The following CNTN4 variants were observed in gnomAD, a reference collection of about 807,000 sequenced individuals.
The protein encoded by CNTN4 is contactin-4.
Under a neutral mutation model 122.5 loss-of-function variants are expected in CNTN4, and 77 were observed. The ratio of observed to expected loss-of-function variants is 0.63; its 90% CI spans 0.52 to 0.76. The LOEUF is 0.76. Among genes scored for constraint, CNTN4 ranks in the 30% least tolerant of loss-of-function variants. The pLI, the probability that CNTN4 is intolerant of heterozygous loss-of-function variation, is 0.00. For missense variants in CNTN4, 1,256 were observed against 1,259.1 expected (o/e 1.00, Z 0.04); for synonymous variants, 512 against 447.0 (o/e 1.15, Z -1.83).
intron 3 of CNTN4, among the ~76,000 whole-genome samples, chr3:2,530,371 C>G (rs911033890): frequency 6.8e-6 from 1 of 147,896 alleles, no homozygotes; most frequent in African/African-American, 2.5e-5. Flanking sequence ...TGCAGTGGCA[C>G]GATCTCAGCT....
In CNTN4 at chr3:2,270,029, A is replaced by G. The variant is rs2041218325; in HGVS notation, c.-144-69149A>G. On this transcript the variant is annotated intron_variant, in intron 2 of 24. Transcript: ENST00000418658. ...CAGTGGCGCAATCTCGGCTCACTGC[A>G]AGCTCCGCTTCCCGGGTTCACGCCA... Among the ~76,000 whole-genome samples the G allele has an allele frequency of 3.1e-5, 3 of 97,272 alleles. 1 individual carries two copies. In the Admixed American group the frequency reaches 3.5e-4, roughly 11 times the overall value. The allele number at this position is 97,272 out of a possible 152,430, so 63.8% of individuals were successfully genotyped here. A position where few individuals can be genotyped will look rare whatever the true frequency, so the allele number is the denominator to read the frequency against.
intron 6 of CNTN4, among the ~76,000 whole-genome samples, chr3:2,814,009 T>C (rs942225284): frequency 1.3e-5 from 2 of 152,216 alleles, no homozygotes; most frequent in Non-Finnish European, 2.9e-5. Flanking sequence ...CCAAATACTA[T>C]AGCATGTTTT....
chr3:2,410,656 G>T (rs753399131), intron 3 of CNTN4, among the ~76,000 whole-genome samples: 1 of 152,102 alleles, frequency 6.6e-6, no homozygotes, highest in Non-Finnish European at 1.5e-5. Flanking sequence ...GGTTACTAGG[G>T]TTCTGAAGAA....
At chr3:2,795,666 G>A (rs1018221412) in intron 6 of CNTN4, among the ~76,000 whole-genome samples, 1 of 151,794 alleles carries the variant, frequency 6.6e-6, no homozygotes, top group South Asian at 2.1e-4. Context: ...GACCACAGGC[G>A]CCCAAGACCA....
At chr3:2,800,739 A>C (rs2092328011) in intron 6 of CNTN4, among the ~76,000 whole-genome samples, 1 of 151,832 alleles carries the variant, frequency 6.6e-6, no homozygotes, top group South Asian at 2.1e-4. Flanking sequence ...TACCTCCCTG[A>C]CTCCATGTCT....
intron 3 of CNTN4, among the ~76,000 whole-genome samples, chr3:2,392,657 C>G (rs1306405379): frequency 6.6e-6 from 1 of 152,172 alleles, no homozygotes; most frequent in East Asian, 1.9e-4. Context: ...TTTAAGTCCT[C>G]TTTTAGCTAT....
chr3:2,599,103 A>G (rs143380971), intron 4 of CNTN4, among the ~76,000 whole-genome samples: 1 of 152,302 alleles, frequency 6.6e-6, no homozygotes, highest in East Asian at 1.9e-4. Context: ...ACTGTAGGTA[A>G]GACTGGGAAA....
chr3:2,601,669 G>A (rs2081053277), intron 4 of CNTN4, among the ~76,000 whole-genome samples: 1 of 152,164 alleles, frequency 6.6e-6, no homozygotes, highest in African/African-American at 2.4e-5. Context: ...TTTTGGCTTA[G>A]GATTGCCTTG....
intron 12 of CNTN4, among the ~76,000 whole-genome samples, chr3:2,914,344 G>GA (rs1271809287): frequency 6.6e-6 from 1 of 151,668 alleles, no homozygotes; most frequent in Non-Finnish European, 1.5e-5. Context: ...AAAATACTAG[G>GA]AAAAAAATCA....
chr3:2,476,373 C>G (rs1409001412), intron 3 of CNTN4, among the ~76,000 whole-genome samples: 2 of 152,190 alleles, frequency 1.3e-5, no homozygotes, highest in Non-Finnish European at 2.9e-5. Context: ...TTCTTCCTCT[C>G]TGCTCTAGGG....
At chr3:2,377,519 G>A (rs35772453) in intron 3 of CNTN4, among the ~76,000 whole-genome samples, 7,290 of 152,198 alleles carry the variant, frequency 0.048, 207 homozygotes, top group Middle Eastern at 0.058. Context: ...AGGTCAAATA[G>A]GTTTCATTGT....
At chr3:2,578,356 A>C (rs373698611) in intron 4 of CNTN4, among the ~76,000 whole-genome samples, 2 of 152,154 alleles carry the variant, frequency 1.3e-5, no homozygotes, top group Non-Finnish European at 2.9e-5. Flanking sequence ...CCATTTTTCT[A>C]TCTACTCAGA....
intron 3 of CNTN4, among the ~76,000 whole-genome samples, chr3:2,536,641 C>A (rs972007055): frequency 2.8e-5 from 4 of 142,580 alleles, no homozygotes; most frequent in African/African-American, 1.1e-4. Context: ...CTAGGCTGGT[C>A]TTGAACTCCT....
chr3:2,706,009 T>C (rs1394533521), intron 4 of CNTN4, among the ~76,000 whole-genome samples: 1 of 138,786 alleles, frequency 7.2e-6, no homozygotes, highest in East Asian at 2.0e-4. Flanking sequence ...TAAAAATAAA[T>C]ATATATAAAT....
chr3:2,714,419 TG>T (rs5846216), intron 4 of CNTN4, among the ~76,000 whole-genome samples: 2,234 of 152,094 alleles, frequency 0.015, 56 homozygotes, highest in African/African-American at 0.051. Context: ...CAAGAGCAAG[TG>T]GGGAAGTGTT....
intron 2 of CNTN4, among the ~76,000 whole-genome samples, chr3:2,186,326 A>G (rs2037263882): frequency 1.3e-5 from 2 of 152,048 alleles, no homozygotes; most frequent in Non-Finnish European, 2.9e-5. Context: ...AATCCAGTCT[A>G]TCATTGATGG....
At chr3:2,328,141 G>A (rs1173536667) in intron 2 of CNTN4, among the ~76,000 whole-genome samples, 1 of 152,208 alleles carries the variant, frequency 6.6e-6, no homozygotes, top group African/African-American at 2.4e-5. Context: ...AGTTTTGGCC[G>A]GGCGTGGTAA....
At chr3:2,537,913 C>G (rs1447225048) in intron 3 of CNTN4, among the ~76,000 whole-genome samples, 2 of 152,058 alleles carry the variant, frequency 1.3e-5, no homozygotes, top group East Asian at 1.9e-4. Flanking sequence ...CCCGTCAAGT[C>G]TCTTTACATA....
chr3:2,536,070 A>G (rs1227579142), intron 3 of CNTN4, among the ~76,000 whole-genome samples: 1 of 152,136 alleles, frequency 6.6e-6, no homozygotes, highest in Non-Finnish European at 1.5e-5. Context: ...GATTGCCACC[A>G]TGTTGCATTT....
Sources: gnomAD v4.1 joint callset for allele counts (sites outside exome capture counted in the v4.1 genomes callset) on GRCh38, gnomAD v4.1.1 for gene constraint, MANE v1.5 for transcripts, NCBI Gene and HGNC (gene_info 2026-07-23, HGNC 2026-07-21) for gene names.